The following RBM20 variants were observed in gnomAD, a reference collection of about 807,000 sequenced individuals.
The protein encoded by RBM20 is RNA binding motif protein 20.
RBM20 carries 51 observed loss-of-function variants against 110.1 expected under a neutral mutation model. That is an observed-to-expected ratio of 0.46 (90% CI 0.37 to 0.59). The LOEUF (loss-of-function observed/expected upper bound fraction) is 0.59. RBM20 is among the 20% of genes least tolerant of loss of function. The pLI, the probability that RBM20 is intolerant of heterozygous loss-of-function variation, is 0.00. For missense variants in RBM20, 1,512 were observed against 1,574.9 expected (o/e 0.96, Z 0.68); for synonymous variants, 589 against 618.2 (o/e 0.95, Z 0.70).
rs192959440 is a variant in RBM20 at position 110,806,486 on chromosome 10, A to T, written c.1801-3897A>T. Reference sequence around the variant, plus strand: ...GTGCTACACACTTTTAAACAGCCAGATCTCGTGAGAACTCTGTCACGAGAG... The same window carrying T: ...GTGCTACACACTTTTAAACAGCCAGTTCTCGTGAGAACTCTGTCACGAGAG... On this transcript the variant is annotated intron_variant, in intron 7 of 13. Transcript: ENST00000369519. Among the ~76,000 whole-genome samples the T allele has an allele frequency of 4.6e-3, 703 of 152,222 alleles. 4 individuals are homozygous for T. Among genetic ancestry groups the T allele is most frequent in the Non-Finnish European group, 8.2e-3 (557 of 68,004 alleles).
intron 1 of RBM20, among the ~76,000 whole-genome samples, chr10:110,758,821 C>T (rs1843956192): frequency 2.0e-5 from 3 of 152,042 alleles, no homozygotes; most frequent in Admixed American, 1.3e-4. Context: ...AGGGGAAGGA[C>T]GTTTCAGGTA....
intron 1 of RBM20, among the ~76,000 whole-genome samples, chr10:110,722,993 T>A (rs1843525289): frequency 6.6e-6 from 1 of 151,776 alleles, no homozygotes; most frequent in Non-Finnish European, 1.5e-5. Context: ...GCACCTGTAA[T>A]CCCAGCTACT....
intron 1 of RBM20, among the ~76,000 whole-genome samples, chr10:110,740,021 A>C (rs549808981): frequency 4.9e-4 from 75 of 152,350 alleles, no homozygotes; most frequent in Middle Eastern, 6.8e-3. Context: ...AGCAATGCAG[A>C]CTTGTCTGGA....
At chr10:110,783,693 G>A (rs1267284716) in intron 3 of RBM20, among the ~76,000 whole-genome samples, 6 of 152,220 alleles carry the variant, frequency 3.9e-5, no homozygotes, top group Non-Finnish European at 1.5e-5. Flanking sequence ...GTGGGCGTGT[G>A]CCTCCCTTTT....
intron 1 of RBM20, among the ~76,000 whole-genome samples, chr10:110,721,582 T>C (rs2134933217): frequency 6.6e-6 from 1 of 152,278 alleles, no homozygotes; most frequent in East Asian, 1.9e-4. Context: ...CCGTGCCTTT[T>C]CACATGACCA....
chr10:110,790,590 G>A (rs1040503805), intron 5 of RBM20, among the ~76,000 whole-genome samples: 2 of 152,174 alleles, frequency 1.3e-5, no homozygotes, highest in African/African-American at 2.4e-5. Context: ...TAGTGTATGT[G>A]TACATGTTTC....
intron 1 of RBM20, among the ~76,000 whole-genome samples, chr10:110,674,803 A>G (rs1337190602): frequency 1.3e-5 from 2 of 152,212 alleles, no homozygotes; most frequent in African/African-American, 2.4e-5. Context: ...AATAATTTAA[A>G]TCAATAACTT....
At chr10:110,678,478 A>G (rs973061757) in intron 1 of RBM20, among the ~76,000 whole-genome samples, 2 of 152,182 alleles carry the variant, frequency 1.3e-5, no homozygotes, top group Admixed American at 1.3e-4. Context: ...TGAGTTAAGG[A>G]CACCCATGGA....
chr10:110,650,783 G>GT (rs1861935288), intron 1 of RBM20, among the ~76,000 whole-genome samples: 1 of 152,144 alleles, frequency 6.6e-6, no homozygotes, highest in Admixed American at 6.5e-5. Context: ...TCCCGAATAT[G>GT]TTTTTAAGTT....
At chr10:110,649,024 T>C (rs1861908871) in intron 1 of RBM20, among the ~76,000 whole-genome samples, 1 of 152,166 alleles carries the variant, frequency 6.6e-6, no homozygotes, top group Non-Finnish European at 1.5e-5. Flanking sequence ...CTTTTTATTT[T>C]TCTATCCATG....
chr10:110,644,392 G>A lies in RBM20; in HGVS notation c.-63G>A. On this transcript the variant is annotated 5_prime_UTR_variant, in exon 1 of 14. In the 5' UTR this introduces an upstream ATG that the reference lacks. Transcript: ENST00000369519. The surrounding 1 kb of genome is among the most constrained non-coding windows in gnomAD (Gnocchi z 4.3). ...CGGGGACCCCGGCCAGTGAGCGCCCGTGGCCCGGGACCGCCCCTCCCTTGA... is the reference window on the plus strand; with the variant it reads ...CGGGGACCCCGGCCAGTGAGCGCCCATGGCCCGGGACCGCCCCTCCCTTGA... 4 of 1,316,968 alleles carry A rather than the reference G, an allele frequency of 3.0e-6. No homozygotes were observed. The highest frequency in any genetic ancestry group is 3.9e-6 in the Non-Finnish European group (4 of 1,019,018). 81.6% of individuals were successfully genotyped at this position (1,316,968 alleles called of 1,614,324 possible). A position where few individuals can be genotyped will look rare whatever the true frequency, so the allele number is the denominator to read the frequency against.
At chr10:110,758,679 GTCACA>G (rs1843954019) in intron 1 of RBM20, among the ~76,000 whole-genome samples, 1 of 152,220 alleles carries the variant, frequency 6.6e-6, no homozygotes, top group African/African-American at 2.4e-5. Flanking sequence ...ATAATCGCTA[GTCACA>G]TGTGGCTGTT....
chr10:110,802,949 A>G (rs1403482252), intron 7 of RBM20, among the ~76,000 whole-genome samples: 1 of 152,240 alleles, frequency 6.6e-6, no homozygotes, highest in East Asian at 1.9e-4. Flanking sequence ...CAGATCAGGA[A>G]AGGACTATAC....
chr10:110,832,852 C>G (rs907369409), intron 13 of RBM20, among the ~76,000 whole-genome samples: 2 of 152,204 alleles, frequency 1.3e-5, no homozygotes, highest in African/African-American at 4.8e-5. Context: ...GCCACAGCAC[C>G]TGTGGCCCAG....
chr10:110,768,241 G>GAGGGAA (rs897884697), intron 1 of RBM20, among the ~76,000 whole-genome samples: 1 of 125,556 alleles, frequency 8.0e-6, no homozygotes, highest in Non-Finnish European at 1.8e-5. Context: ...GAGGGAGAGG[G>GAGGGAA]AGGGAAAGGG....
intron 1 of RBM20, among the ~76,000 whole-genome samples, chr10:110,716,166 T>C (rs999265488): frequency 3.9e-5 from 6 of 152,202 alleles, no homozygotes; most frequent in Non-Finnish European, 7.3e-5. Context: ...GTGAAGGTCT[T>C]GGTCTTTTCT....
intron 1 of RBM20, among the ~76,000 whole-genome samples, chr10:110,733,111 G>T (rs1211237951): frequency 6.6e-6 from 1 of 152,184 alleles, no homozygotes; most frequent in East Asian, 1.9e-4. Context: ...CAGAAGGGAA[G>T]CTTGTAAGGC....
At chr10:110,735,667 A>G (rs956584123) in intron 1 of RBM20, among the ~76,000 whole-genome samples, 4 of 152,192 alleles carry the variant, frequency 2.6e-5, no homozygotes, top group Non-Finnish European at 5.9e-5. Flanking sequence ...GGTGAAAGGT[A>G]TATTTGCTTT....
chr10:110,721,849 CG>C (rs1469754968), intron 1 of RBM20, among the ~76,000 whole-genome samples: 1 of 152,102 alleles, frequency 6.6e-6, no homozygotes, highest in African/African-American at 2.4e-5. Flanking sequence ...ACCTACAGCC[CG>C]GAGCATGTGC....
Sources: allele counts gnomAD v4.1 joint callset (sites outside exome capture counted in the v4.1 genomes callset), GRCh38; gene constraint gnomAD v4.1.1; non-coding constraint Gnocchi (gnomAD v3.1); transcripts MANE v1.5; gene names NCBI Gene and HGNC (gene_info 2026-07-23, HGNC 2026-07-21).